Variants in CERS6 observed in about 807,000 individuals in gnomAD.
CERS6 encodes the protein ceramide synthase 6, also known as LAG1 homolog, ceramide synthase 6.
A neutral mutation model predicts 56.8 loss-of-function variants in CERS6; 26 were observed. The ratio of observed to expected loss-of-function variants is 0.46; its 90% CI spans 0.34 to 0.63. The LOEUF (loss-of-function observed/expected upper bound fraction) is 0.63, where lower values mean the gene tolerates loss of function less well. CERS6 is among the 30% of genes least tolerant of loss of function. The pLI, the probability that CERS6 is intolerant of heterozygous loss-of-function variation, is 0.01. For synonymous variants in CERS6, 164 were observed against 173.3 expected (o/e 0.95, Z 0.42); for missense variants, 415 against 467.5 (o/e 0.89, Z 1.04).
intron 1 of CERS6, among the ~76,000 whole-genome samples, chr2:168,510,753 A>G (rs1694764812): frequency 6.6e-6 from 1 of 152,188 alleles, no homozygotes; most frequent in African/African-American, 2.4e-5. Flanking sequence ...CATTATCATT[A>G]CTATCATCTT....
At chr2:168,694,081 G>A (rs1304207043) in intron 5 of CERS6, among the ~76,000 whole-genome samples, 4 of 152,098 alleles carry the variant, frequency 2.6e-5, no homozygotes, top group Non-Finnish European at 5.9e-5. Flanking sequence ...ACTTGTTTGT[G>A]TGATGAGTTT....
chr2:168,769,765 C>T lies in CERS6; in HGVS notation c.*103C>T. ...TTTCATAATATCTCAGCACCAGAAA[C>T]AAAAATTAAGATTATCAAAGCATTT... On this transcript the variant is annotated 3_prime_UTR_variant, in exon 10 of 10. Coordinates refer to ENST00000305747, the MANE Select transcript of CERS6 (RefSeq NM_203463.3). 8.1e-7 allele frequency: 1 copy of T among 1,233,820 alleles called. No homozygotes were observed. Among genetic ancestry groups the T allele is most frequent in the Non-Finnish European group, 1.2e-6 (1 of 861,178 alleles). The allele number at this position is 1,233,820 out of a possible 1,614,324, so 76.4% of individuals were successfully genotyped here.
intron 1 of CERS6, among the ~76,000 whole-genome samples, chr2:168,479,479 T>A (rs1052819855): frequency 3.3e-5 from 5 of 152,222 alleles, no homozygotes; most frequent in African/African-American, 7.2e-5. Context: ...TTCTATCTTT[T>A]GGGAAGGGCA....
intron 8 of CERS6, among the ~76,000 whole-genome samples, chr2:168,734,083 T>C (rs1683636344): frequency 6.6e-6 from 1 of 152,054 alleles, no homozygotes; most frequent in Non-Finnish European, 1.5e-5. Flanking sequence ...GCTCTAAAAG[T>C]TTTATGATGT....
chr2:168,741,632 G>C (rs1014763068), intron 8 of CERS6, among the ~76,000 whole-genome samples: 2 of 152,214 alleles, frequency 1.3e-5, no homozygotes, highest in Non-Finnish European at 2.9e-5. Context: ...AGAGAATCAT[G>C]AGCATGACGT....
chr2:168,511,502 T>G (rs1346713968), intron 1 of CERS6, among the ~76,000 whole-genome samples: 1 of 152,178 alleles, frequency 6.6e-6, no homozygotes, highest in Non-Finnish European at 1.5e-5. Flanking sequence ...CTTATTGGTG[T>G]TCTGAAATTT....
intron 1 of CERS6, among the ~76,000 whole-genome samples, chr2:168,545,090 T>C (rs1010610960): frequency 6.6e-6 from 1 of 152,060 alleles, no homozygotes; most frequent in Non-Finnish European, 1.5e-5. Flanking sequence ...TACATACATG[T>C]ATTTGTAGAA....
At chr2:168,635,392 G>C (rs905138829) in intron 4 of CERS6, among the ~76,000 whole-genome samples, 2 of 152,202 alleles carry the variant, frequency 1.3e-5, no homozygotes, top group African/African-American at 4.8e-5. Flanking sequence ...ACTGCTGGGT[G>C]GGTGTGGAGG....
chr2:168,466,364 A>G (rs1693877489), intron 1 of CERS6, among the ~76,000 whole-genome samples: 1 of 152,162 alleles, frequency 6.6e-6, no homozygotes, highest in African/African-American at 2.4e-5. Flanking sequence ...TAATGAGATA[A>G]AACTCTCCTT....
intron 1 of CERS6, among the ~76,000 whole-genome samples, chr2:168,535,843 A>G (rs1459448108): frequency 6.6e-6 from 1 of 151,174 alleles, no homozygotes; most frequent in Non-Finnish European, 1.5e-5. Flanking sequence ...TATATTTCAC[A>G]TTATAAAACT....
chr2:168,650,258 T>G (rs937738369), intron 4 of CERS6, among the ~76,000 whole-genome samples: 7 of 151,856 alleles, frequency 4.6e-5, no homozygotes, highest in East Asian at 1.9e-4. Context: ...GACACTGGAG[T>G]TGGTGTCTCA....
chr2:168,589,819 A>G (rs900681642), intron 3 of CERS6, among the ~76,000 whole-genome samples: 1 of 152,228 alleles, frequency 6.6e-6, no homozygotes, highest in Admixed American at 6.5e-5. Context: ...TGGTATAACC[A>G]TTAGAAAGAG....
intron 8 of CERS6, among the ~76,000 whole-genome samples, chr2:168,750,228 C>A (rs1428149729): frequency 6.6e-6 from 1 of 152,154 alleles, no homozygotes; most frequent in Non-Finnish European, 1.5e-5. Context: ...CCAGTTAAGA[C>A]CTTTATTGGC....
At chr2:168,649,317 C>G (rs1378553762) in intron 4 of CERS6, among the ~76,000 whole-genome samples, 2 of 152,116 alleles carry the variant, frequency 1.3e-5, no homozygotes, top group African/African-American at 2.4e-5. Flanking sequence ...AGCCCCAGGT[C>G]GTGGGCTTCC....
intron 1 of CERS6, among the ~76,000 whole-genome samples, chr2:168,512,493 A>G (rs1158620990): frequency 3.3e-5 from 5 of 151,996 alleles, no homozygotes; most frequent in Non-Finnish European, 5.9e-5. Flanking sequence ...TTCCAAACCT[A>G]TTGGTTTCTT....
In CERS6 at chr2:168,652,780, C is replaced by T. The variant is rs546326792; in HGVS notation, c.465+21738C>T. ...TTCCCCACTAAGGAGCTTTTTGCTTCTGTCTTAAAAAAAATCACGATCTTC... is the reference window on the plus strand; with the variant it reads ...TTCCCCACTAAGGAGCTTTTTGCTTTTGTCTTAAAAAAAATCACGATCTTC... On this transcript the variant is annotated intron_variant, in intron 4 of 9. Coordinates refer to ENST00000305747, the MANE Select transcript of CERS6 (RefSeq NM_203463.3). Among the ~76,000 whole-genome samples, 13 of 152,102 alleles carry T rather than the reference C, an allele frequency of 8.5e-5. No homozygotes were observed. In the South Asian group the frequency reaches 2.7e-3, roughly 32 times the overall value.
chr2:168,490,916 T>A (rs1321955629), intron 1 of CERS6, among the ~76,000 whole-genome samples: 1 of 152,240 alleles, frequency 6.6e-6, no homozygotes, highest in African/African-American at 2.4e-5. Context: ...AGTGACACTT[T>A]GACATCGGGC....
intron 8 of CERS6, among the ~76,000 whole-genome samples, chr2:168,762,419 T>C (rs1684609882): frequency 6.6e-6 from 1 of 152,188 alleles, no homozygotes; most frequent in Non-Finnish European, 1.5e-5. Flanking sequence ...TTCCTGATTT[T>C]AAAGGAAGTA....
intron 4 of CERS6, among the ~76,000 whole-genome samples, chr2:168,670,130 T>C (rs1190801560): frequency 1.3e-5 from 2 of 152,228 alleles, no homozygotes; most frequent in Non-Finnish European, 2.9e-5. Flanking sequence ...TCTTGCTCTT[T>C]TTGACTTCAT....
Sources: gnomAD v4.1 joint callset for allele counts (sites outside exome capture counted in the v4.1 genomes callset) on GRCh38, gnomAD v4.1.1 for gene constraint, MANE v1.5 for transcripts, NCBI Gene and HGNC (gene_info 2026-07-23, HGNC 2026-07-21) for gene names.